Variants in NT5C1B observed in about 807,000 individuals in gnomAD.
NT5C1B encodes 5'-nucleotidase, cytosolic IB, also known as cytosolic 5'-nucleotidase 1B.
In NT5C1B, 44 loss-of-function variants were observed where a neutral mutation model predicts 57.8. That is an observed-to-expected ratio of 0.76 (90% CI 0.60 to 0.98). The LOEUF (loss-of-function observed/expected upper bound fraction) is 0.98. NT5C1B is among the 50% of genes least tolerant of loss of function. The probability of loss-of-function intolerance (pLI) is 0.00; values close to 1 mark genes in which losing one functional copy is unlikely to be tolerated. For missense variants in NT5C1B, 742 were observed against 719.5 expected, an observed-to-expected ratio of 1.03 and a Z score of -0.36; for synonymous variants, 284 against 282.6, an observed-to-expected ratio of 1.00 and a Z score of -0.05.
At position 18,566,764 on chromosome 2, in the gene NT5C1B, C is replaced by T. The variant is rs1265040411; in HGVS notation, c.1330-2645G>A. Among the ~76,000 whole-genome samples, 5 of 152,084 alleles carry T rather than the reference C, an allele frequency of 3.3e-5. No homozygotes were observed. In the East Asian group the frequency reaches 9.6e-4, roughly 29 times the overall value. On this transcript the variant is annotated intron_variant, in intron 8 of 8. Coordinates refer to ENST00000304081, the Ensembl canonical transcript of NT5C1B. Reference sequence around the variant, plus strand: ...AATATAACAATACTAGGGAAGCTTACAAAAAGCAAATACTAGGGAGAGACT... The same window carrying T: ...AATATAACAATACTAGGGAAGCTTATAAAAAGCAAATACTAGGGAGAGACT...
rs1293446764 is a variant in NT5C1B, at chr2:18,587,248, C to T, written c.120+255G>A. 4 of 1,524,416 alleles carry T rather than the reference C, an allele frequency of 2.6e-6. No individual in the cohort carries two copies. In the South Asian group the frequency reaches 3.8e-5, roughly 15 times the overall value. 94.4% of individuals were successfully genotyped at this position (1,524,416 alleles called of 1,614,324 possible). On this transcript the variant is annotated intron_variant, in intron 2 of 8. Transcript: ENST00000304081. ...CTCCCTGATTTGAACAAAGACCAGT[C>T]TCCCCCCTGTGTAGGCTGAGCAGAG...
chr2:18,576,065 TAAG>T lies in NT5C1B; in HGVS notation c.1329+116_1329+118del, dbSNP rs565307384. On this transcript the variant is annotated intron_variant, in intron 8 of 8. Coordinates refer to ENST00000304081, the Ensembl canonical transcript of NT5C1B. ...AGAGAAAGCTCCAAAGATAAGACAGTAAGAAGGAGTGCCCTGCCTAGAATAACT... is the reference window on the plus strand; with the variant it reads ...AGAGAAAGCTCCAAAGATAAGACAGTAAGGAGTGCCCTGCCTAGAATAACT... The T allele has an allele frequency of 3.2e-5, 35 of 1,086,630 alleles. 1 individual carries two copies. The highest frequency in any genetic ancestry group is 6.4e-4 in the Middle Eastern group (2 of 3,102). 67.3% of individuals were successfully genotyped at this position (1,086,630 alleles called of 1,614,324 possible).
chr2:18,576,160 T>C (rs748948365), intron 8 of NT5C1B, 24 bp downstream of exon 8: 1 of 1,558,850 alleles, frequency 6.4e-7, no homozygotes, highest in Non-Finnish European at 8.6e-7. Flanking sequence ...TACATAAAAA[T>C]TAATTAGCAC....
At chr2:18,575,323 A>G (rs1474983326) in intron 8 of NT5C1B, among the ~76,000 whole-genome samples, 3 of 152,116 alleles carry the variant, frequency 2.0e-5, no homozygotes, top group East Asian at 1.9e-4. Flanking sequence ...ACACACTCCC[A>G]TAGTTTAAAT....
chr2:18,568,490 G>T (rs566107814), intron 8 of NT5C1B, among the ~76,000 whole-genome samples: 8 of 152,156 alleles, frequency 5.3e-5, no homozygotes, highest in Admixed American at 5.2e-4. Context: ...AGAAAAACCT[G>T]ATCTACACAA....
rs371226394 is a variant in NT5C1B at position 18,577,422 on chromosome 2, C to CAAAA, written c.1022-531_1022-528dup. Among the ~76,000 whole-genome samples the CAAAA allele has an allele frequency of 8.7e-3, 345 of 39,812 alleles. 26 individuals are homozygous for CAAAA. The highest frequency in any genetic ancestry group is 0.031 in the African/African-American group (329 of 10,524). The allele number at this position is 39,812 out of a possible 152,430, so 26.1% of individuals were successfully genotyped here. A position where few individuals can be genotyped will look rare whatever the true frequency, so the allele number is the denominator to read the frequency against. ...CTGGTGAAAGAGCAAGACTCTGTCT[C>CAAAA]AAAAAAAAAAAAAAAAAAAAAAAGG... On this transcript the variant is annotated intron_variant, in intron 6 of 8. Coordinates refer to ENST00000304081, the Ensembl canonical transcript of NT5C1B.
In NT5C1B at chr2:18,586,821, T is replaced by TC. The variant is rs1007910572; in HGVS notation, c.121-431dup. 10 of 1,252,076 alleles carry TC rather than the reference T, an allele frequency of 8.0e-6. No individual in the cohort carries two copies. The African/African-American group carries it at 1.4e-4, about 17-fold the overall frequency. The allele number at this position is 1,252,076 out of a possible 1,614,324, so 77.6% of individuals were successfully genotyped here. ...TGCCCCACTGAGGTTGCAGGGGGACTCTAAGGCAGCTGCTGAAAAGGAATG... is the reference window on the plus strand; with the variant it reads ...TGCCCCACTGAGGTTGCAGGGGGACTCCTAAGGCAGCTGCTGAAAAGGAATG... On this transcript the variant is annotated intron_variant, in intron 2 of 8. Transcript: ENST00000304081.
intron 8 of NT5C1B, among the ~76,000 whole-genome samples, chr2:18,567,886 A>G (rs1040662847): frequency 6.6e-6 from 1 of 152,222 alleles, no homozygotes; most frequent in Non-Finnish European, 1.5e-5. Flanking sequence ...TGAGTAGACT[A>G]GCAATTTTGG....
Position 18,586,870 on chromosome 2 carries a change from G to A in NT5C1B, c.121-479C>T, listed in dbSNP as rs540795859. On this transcript the variant is annotated intron_variant, in intron 2 of 8. Transcript: ENST00000304081. ...TGGAGCCCTCAAGCTTTTCTTTTAGGAGAAACAAGAATGAAGGACCCCCCG... is the reference window on the plus strand; with the variant it reads ...TGGAGCCCTCAAGCTTTTCTTTTAGAAGAAACAAGAATGAAGGACCCCCCG... 3 of 1,495,536 alleles carry A rather than the reference G, an allele frequency of 2.0e-6. No individual in the cohort carries two copies. In the South Asian group the frequency reaches 3.9e-5, roughly 20 times the overall value. 92.6% of individuals were successfully genotyped at this position (1,495,536 alleles called of 1,614,324 possible).
intron 6 of NT5C1B, among the ~76,000 whole-genome samples, chr2:18,577,764 G>A (rs970939592): frequency 4.0e-5 from 6 of 150,776 alleles, no homozygotes; most frequent in Non-Finnish European, 8.9e-5. Flanking sequence ...CATAATCAGA[G>A]CTGAACTGAA....
chr2:18,578,114 A>G (rs1265559212), intron 6 of NT5C1B, among the ~76,000 whole-genome samples: 1 of 152,206 alleles, frequency 6.6e-6, no homozygotes, highest in Non-Finnish European at 1.5e-5. Context: ...AAGTTTCTAA[A>G]TTGAATCAGT....
At chr2:18,572,158 A>G (rs1007441580) in intron 8 of NT5C1B, among the ~76,000 whole-genome samples, 1 of 152,016 alleles carries the variant, frequency 6.6e-6, no homozygotes, top group Non-Finnish European at 1.5e-5. Flanking sequence ...AAAGGGATGA[A>G]TATCTGTATT....
At chr2:18,575,002 A>G (rs1489681922) in intron 8 of NT5C1B, among the ~76,000 whole-genome samples, 1 of 152,108 alleles carries the variant, frequency 6.6e-6, no homozygotes, top group Non-Finnish European at 1.5e-5. Context: ...AGAACAAAGT[A>G]CAAAATGAGA....
At chr2:18,588,267 A>AG (rs1259825691) in intron 1 of NT5C1B, among the ~76,000 whole-genome samples, 2 of 152,198 alleles carry the variant, frequency 1.3e-5, no homozygotes, top group Admixed American at 1.3e-4. Flanking sequence ...CATTTGGAGG[A>AG]GATACTTATT....
intron 2 of NT5C1B, chr2:18,587,026 A>G: frequency 6.2e-7 from 1 of 1,614,150 alleles, no homozygotes; most frequent in African/African-American, 1.3e-5. Context: ...CCCTGCTCCC[A>G]CAACAGGCAC....
chr2:18,588,828 C>T (rs986599583), intron 1 of NT5C1B, among the ~76,000 whole-genome samples: 5 of 152,024 alleles, frequency 3.3e-5, no homozygotes, highest in Non-Finnish European at 7.4e-5. Context: ...TTGGTTTGAC[C>T]AGGAGCCTCA....
intron 6 of NT5C1B, among the ~76,000 whole-genome samples, chr2:18,578,280 A>G (rs1046824945): frequency 6.6e-6 from 1 of 152,164 alleles, no homozygotes; most frequent in South Asian, 2.1e-4. Context: ...TTAGGTCAAC[A>G]TAACTCTGAT....
intron 8 of NT5C1B, among the ~76,000 whole-genome samples, chr2:18,564,625 A>G (rs1334360168): frequency 1.3e-5 from 2 of 152,184 alleles, no homozygotes; most frequent in East Asian, 1.9e-4. Flanking sequence ...TGGTTTTAGT[A>G]TCTCTTGTAC....
intron 8 of NT5C1B, among the ~76,000 whole-genome samples, chr2:18,574,073 A>G (rs1665448240): frequency 6.6e-6 from 1 of 152,186 alleles, no homozygotes; most frequent in Admixed American, 6.6e-5. Flanking sequence ...TATACATCTG[A>G]TAAGGGTTAA....
Sources: allele counts gnomAD v4.1 joint callset (sites outside exome capture counted in the v4.1 genomes callset), GRCh38; gene constraint gnomAD v4.1.1; transcripts MANE v1.5; gene names NCBI Gene and HGNC (gene_info 2026-07-23, HGNC 2026-07-21).